SLC1A4: variants seen among roughly 807,000 people sequenced by gnomAD.
The protein encoded by SLC1A4 is neutral amino acid transporter A.
In SLC1A4, 19 loss-of-function variants were observed where a neutral mutation model predicts 37.7. The observed-to-expected ratio is 0.50, with a 90% CI of 0.35 to 0.74. The LOEUF (loss-of-function observed/expected upper bound fraction) is 0.74. Ranked by LOEUF, SLC1A4 falls within the 30% of genes least tolerant of loss-of-function variation. The pLI, the probability that SLC1A4 is intolerant of heterozygous loss-of-function variation, is 0.01. For missense variants in SLC1A4, 570 were observed against 712.9 expected (o/e 0.80, Z 2.28); for synonymous variants, 299 against 309.8 (o/e 0.97, Z 0.37).
rs189144221 is a variant in SLC1A4, at chr2:65,016,299, C to G, written c.801-141C>G. 4.4e-6 allele frequency: 3 copies of G among 689,588 alleles called. No individual in the cohort carries two copies. The East Asian group carries it at 7.8e-5, about 18-fold the overall frequency. 42.7% of individuals were successfully genotyped at this position (689,588 alleles called of 1,614,324 possible). ...TAAAATGGGGATGGTATAACCCTGA[C>G]TGTTTCGGTTCCTCGGGGTTATCCT... On this transcript the variant is annotated intron_variant, in intron 4 of 7. Transcript: ENST00000234256.
At position 64,989,658 on chromosome 2, in the gene SLC1A4, C is replaced by G; in HGVS notation, c.15C>G (p.Asn5Lys). 6.5e-7 allele frequency: 1 copy of G among 1,536,276 alleles called. No homozygotes were observed. Among genetic ancestry groups the G allele is most frequent in the Admixed American group, 2.2e-5 (1 of 46,294 alleles). MEKS[N>K]ETNGYLDSAQ... ...CGTGTAGCGCCATGGAGAAGAGCAA[C>G]GAGACCAACGGCTACCTTGACAGCG... Residue 5 changes from asparagine (N) to lysine (K), a missense_variant, in exon 1 of 8, where the codon AAC (asparagine) becomes AAG (lysine). By Grantham distance (94) the Asn-to-Lys change is moderately conservative. Coordinates refer to ENST00000234256, the MANE Select transcript of SLC1A4 (RefSeq NM_003038.5).
chr2:65,016,189 C>G (rs1230325197), intron 4 of SLC1A4, among the ~76,000 whole-genome samples: 4 of 152,146 alleles, frequency 2.6e-5, no homozygotes, highest in African/African-American at 4.8e-5. Context: ...ATACTGTATC[C>G]AAGGGGAAAG....
At chr2:65,010,565 G>A in intron 3 of SLC1A4, 32 bp from the exon 4 acceptor site, 1 of 1,560,962 alleles carries the variant, frequency 6.4e-7, no homozygotes. Context: ...CTCATCTGTT[G>A]TAAACTTGTT....
chr2:65,000,072 G>A (rs1673403178), intron 1 of SLC1A4: 1 of 152,182 alleles, frequency 6.6e-6, no homozygotes, highest in African/African-American at 2.4e-5. Context: ...GAGCAACCCA[G>A]CTTCTTACAG....
At chr2:65,015,806 A>C (rs898190384) in intron 4 of SLC1A4, among the ~76,000 whole-genome samples, 1 of 152,192 alleles carries the variant, frequency 6.6e-6, no homozygotes, top group African/African-American at 2.4e-5. Flanking sequence ...ATTCTTCCTG[A>C]ATTTATATTA....
intron 3 of SLC1A4, among the ~76,000 whole-genome samples, chr2:65,005,808 A>G (rs2103654975): frequency 6.6e-6 from 1 of 152,178 alleles, no homozygotes; most frequent in East Asian, 1.9e-4. Context: ...AGCCTGGGCA[A>G]CAGAGCAAGA....
Position 65,016,589 on chromosome 2 carries a change from A to G in SLC1A4, c.950A>G (p.Tyr317Cys), listed in dbSNP as rs1478073780. The change falls in exon 5 of 8, where the codon TAT becomes TGT. Residue 317 changes from tyrosine to cysteine, a missense_variant. Physicochemically the swap from Tyr to Cys is radical, Grantham distance 194. Coordinates refer to ENST00000234256, the MANE Select transcript of SLC1A4 (RefSeq NM_003038.5). The part of the protein sequence containing the change: ...IHGGIVLPLI[Y>C]FVFTRKNPFR... ...GGAGGAATTGTTCTGCCACTTATTT[A>G]TTTTGTTTTCACACGAAAAAACCCA... 6.2e-7 allele frequency: 1 copy of G among 1,613,892 alleles called. No individual in the cohort carries two copies. The highest frequency in any genetic ancestry group is 8.5e-7 in the Non-Finnish European group (1 of 1,180,000).
chr2:65,003,111 TG>T, intron 2 of SLC1A4, among the ~76,000 whole-genome samples: 1 of 152,150 alleles, frequency 6.6e-6, no homozygotes, highest in South Asian at 2.1e-4. Flanking sequence ...AGGAGGCGGG[TG>T]GGTTTGTTTG....
rs7586345 is a variant in SLC1A4 at position 65,020,749 on chromosome 2, A to G, written c.1365-163A>G. Among the ~76,000 whole-genome samples the G allele has an allele frequency of 0.17, 25,228 of 152,194 alleles. 2,539 individuals carry two copies. Among genetic ancestry groups the G allele is most frequent in the African/African-American group, 0.28 (11,607 of 41,478 alleles). ...TATAAAAATAAAAAGTGTTTAAAGAAAATCAATTTAGAATAAGGTAAAGCC... is the reference window on the plus strand; with the variant it reads ...TATAAAAATAAAAAGTGTTTAAAGAGAATCAATTTAGAATAAGGTAAAGCC... On this transcript the variant is annotated intron_variant, in intron 7 of 7. Coordinates refer to ENST00000234256, the MANE Select transcript of SLC1A4 (RefSeq NM_003038.5).
Position 64,990,034 on chromosome 2 carries a change from C to T in SLC1A4, c.391C>T (p.Leu131Phe), listed in dbSNP as rs779452951. The T allele has an allele frequency of 8.1e-6, 13 of 1,604,146 alleles. No homozygotes were observed. In the Admixed American group the frequency reaches 1.7e-4, roughly 21 times the overall value. ...CCTCACCACACTGAGTGCCTCGGCGCTCGCCGTGGCCTTGGCGTTCATCAT... is the reference window on the plus strand; with the variant it reads ...CCTCACCACACTGAGTGCCTCGGCGTTCGCCGTGGCCTTGGCGTTCATCAT... ...FGLTTLSASA[L>F]AVALAFIIKP... Residue 131 changes from leucine to phenylalanine, a missense_variant, in exon 1 of 8, where the codon CTC (leucine) becomes TTC (phenylalanine). Leu to Phe is a conservative substitution (Grantham distance 22). Coordinates refer to ENST00000234256, the MANE Select transcript of SLC1A4 (RefSeq NM_003038.5).
intron 1 of SLC1A4, among the ~76,000 whole-genome samples, chr2:64,994,384 G>A (rs1420168103): frequency 6.6e-6 from 1 of 152,256 alleles, no homozygotes; most frequent in Non-Finnish European, 1.5e-5. Flanking sequence ...AACTGCCAAG[G>A]AGGCAGGTAG....
At chr2:64,997,999 T>C (rs1218688424) in intron 1 of SLC1A4, among the ~76,000 whole-genome samples, 1 of 151,960 alleles carries the variant, frequency 6.6e-6, no homozygotes, top group Non-Finnish European at 1.5e-5. Context: ...TTTGGGAGGC[T>C]GAGGGGGGCA....
Position 65,018,132 on chromosome 2 carries a change from A to C in SLC1A4, c.1096A>C (p.Ile366Leu). ...AGAGAACAATGGTGTGGACAAGAGG[A>C]TCAGCAGGTTTATTCTCCCCATCGG... ...IEENNGVDKR[I>L]SRFILPIGAT... is the part of the protein sequence containing the mutation. Residue 366 changes from isoleucine to leucine, a missense_variant, in exon 6 of 8, where the codon ATC becomes CTC. By Grantham distance (5) the Ile-to-Leu change is conservative. Coordinates refer to ENST00000234256, the MANE Select transcript of SLC1A4 (RefSeq NM_003038.5). The surrounding 1 kb of genome is among the most constrained non-coding windows in gnomAD (Gnocchi z 4.3). The C allele has an allele frequency of 6.2e-7, 1 of 1,614,194 alleles. No individual in the cohort carries two copies. The highest frequency in any genetic ancestry group is 1.1e-5 in the South Asian group (1 of 91,080).
chr2:65,008,871 T>C (rs1466331397), intron 3 of SLC1A4, among the ~76,000 whole-genome samples: 1 of 152,196 alleles, frequency 6.6e-6, no homozygotes, highest in Non-Finnish European at 1.5e-5. Flanking sequence ...TGTGACTATC[T>C]CCATTTTATA....
chr2:65,003,604 G>T (rs1354285712), intron 2 of SLC1A4, among the ~76,000 whole-genome samples: 1 of 152,180 alleles, frequency 6.6e-6, no homozygotes, highest in Admixed American at 6.5e-5. Flanking sequence ...TAATGCCAAG[G>T]TTATTCAAAT....
Position 65,003,957 on chromosome 2 carries a change from C to T in SLC1A4, c.575C>T (p.Ala192Val). 2 of 1,613,832 alleles carry T rather than the reference C, an allele frequency of 1.2e-6. No individual in the cohort carries two copies. Among genetic ancestry groups the T allele is most frequent in the Non-Finnish European group, 1.7e-6 (2 of 1,179,748 alleles). The change falls in exon 3 of 8, where the codon GCA (alanine) becomes GTA (valine). Residue 192 changes from alanine to valine, a missense_variant. Transcript: ENST00000234256. ...TTTTTTTCCTCTTGATCACAGTATG[C>T]AACCGATTATAAAGTCGTGACCCAG... ...NLVVAAFRTY[A>V]TDYKVVTQNS... is the part of the protein sequence containing the mutation.
intron 1 of SLC1A4, chr2:64,999,590 G>A (rs1377111443): frequency 6.6e-6 from 1 of 152,028 alleles, no homozygotes; most frequent in Non-Finnish European, 1.5e-5. Context: ...TCTCTTACAA[G>A]GCTGCAATCG....
Position 65,022,286 on chromosome 2 carries a change from T to C in SLC1A4, c.*1140T>C, listed in dbSNP as rs1164285209. ...TCCAAGTTTAAAATTATCAGCGAAA[T>C]GGTCCATGTTTTTCCAATTACCTGC... On this transcript the variant is annotated 3_prime_UTR_variant, in exon 8 of 8. Coordinates refer to ENST00000234256, the MANE Select transcript of SLC1A4 (RefSeq NM_003038.5). 1.3e-5 allele frequency: 2 copies of C among 152,240 alleles called. No homozygotes were observed. Among genetic ancestry groups the C allele is most frequent in the Non-Finnish European group, 2.9e-5 (2 of 68,032 alleles). The allele number at this position is 152,240 out of a possible 1,614,324, so 9.4% of individuals were successfully genotyped here. A position where few individuals can be genotyped will look rare whatever the true frequency, so the allele number is the denominator to read the frequency against.
chr2:64,991,342 C>A (rs1350781827), intron 1 of SLC1A4, among the ~76,000 whole-genome samples: 13 of 150,978 alleles, frequency 8.6e-5, no homozygotes, highest in East Asian at 3.9e-4. Context: ...CAAAAAAAAA[C>A]CACTCATGAG....
Sources: allele counts gnomAD v4.1 joint callset (sites outside exome capture counted in the v4.1 genomes callset), GRCh38; gene constraint gnomAD v4.1.1; non-coding constraint Gnocchi (gnomAD v3.1); transcripts MANE v1.5; gene names NCBI Gene and HGNC (gene_info 2026-07-23, HGNC 2026-07-21).